KIF9: variants seen among roughly 807,000 people sequenced by gnomAD.
The protein encoded by KIF9 is kinesin family member 9.
Under a neutral mutation model 94.8 loss-of-function variants are expected in KIF9, and 68 were observed. The ratio of observed to expected loss-of-function variants is 0.72; its 90% CI spans 0.59 to 0.88. KIF9 has a LOEUF of 0.88. Ranked by LOEUF, KIF9 falls within the 40% of genes least tolerant of loss-of-function variation. The pLI is 0.00. For missense variants in KIF9, 882 were observed against 982.5 expected (o/e 0.90, Z 1.37); for synonymous variants, 343 against 362.1 (o/e 0.95, Z 0.60).
intron 17 of KIF9, among the ~76,000 whole-genome samples, chr3:47,238,191 G>A (rs1414177229): frequency 1.3e-5 from 2 of 152,054 alleles, no homozygotes; most frequent in Admixed American, 1.3e-4. Flanking sequence ...GTCAACAAGT[G>A]GCTGTCAATA....
Position 47,271,279 on chromosome 3 carries a change from G to A in KIF9, c.549C>T (p.His183=). The A allele has an allele frequency of 6.2e-7, 1 of 1,614,074 alleles. No homozygotes were observed. The highest frequency in any genetic ancestry group is 8.5e-7 in the Non-Finnish European group (1 of 1,179,988). ...ATGCATCCTCCTCCTGACTTGTGAG[G>A]TGAACTGACAAGCCCTTAATGAAGA... ...QGVFIKGLSV[H]LTSQEEDAFS... Residue 183 remains histidine, a synonymous_variant, in exon 5 of 21, where the codon CAC becomes CAT. Transcript: ENST00000684063.
At chr3:47,232,261 A>G (rs1436487502) in intron 20 of KIF9, among the ~76,000 whole-genome samples, 1 of 152,096 alleles carries the variant, frequency 6.6e-6, no homozygotes, top group East Asian at 1.9e-4. Flanking sequence ...CAGAACTGTG[A>G]GCAATACATT....
Position 47,274,079 on chromosome 3 carries a change from C to T in KIF9, c.260-421G>A, listed in dbSNP as rs7647123. Among the ~76,000 whole-genome samples the T allele has an allele frequency of 7.2e-3, 1,091 of 152,302 alleles. 12 individuals are homozygous for T. Among genetic ancestry groups the T allele is most frequent in the African/African-American group, 0.025 (1,029 of 41,556 alleles). The stretch of plus-strand genomic sequence containing the variant: ...AGGGTTGGCAGGAGGCATCAACTTC[C>T]CCACAGAGGCAAAGAGGGGCTTTCA... On this transcript the variant is annotated intron_variant, in intron 3 of 20. Transcript: ENST00000684063.
rs1046158912 is a variant in KIF9, at chr3:47,241,021, G to A, written c.1710-6C>T. ...TGGAGGGTGGGGTGTCGGGCCTTGA[G>A]ATGAAAAGGTGAGACCAAAGAGGAT... is the stretch of plus-strand genomic sequence containing the variant. On this transcript the variant is annotated splice_region_variant and splice_polypyrimidine_tract_variant and intron_variant, in intron 16 of 20. Coordinates refer to ENST00000684063, the MANE Select transcript of KIF9 (RefSeq NM_182902.4). 2 of 1,613,632 alleles carry A rather than the reference G, an allele frequency of 1.2e-6. No homozygotes were observed. The highest frequency in any genetic ancestry group is 2.7e-5 in the African/African-American group (2 of 74,908).
rs1698955414 is a variant in KIF9 at position 47,235,531 on chromosome 3, T to TA, written c.2303_2304insT (p.Lys768AsnfsTer9). 2 of 1,613,652 alleles carry TA rather than the reference T, an allele frequency of 1.2e-6. No individual in the cohort carries two copies. Among genetic ancestry groups the TA allele is most frequent in the East Asian group, 4.5e-5 (2 of 44,878 alleles). ...GAGTTACCTTCTGCTCTATCTTGAC[T>TA]TTGGCATTGTAGAAGGAGATGGAAT... is the stretch of plus-strand genomic sequence containing the variant. On this transcript the variant is annotated frameshift_variant, in exon 20 of 21. Coordinates refer to ENST00000684063, the MANE Select transcript of KIF9 (RefSeq NM_182902.4). LOFTEE classifies it high-confidence loss of function.
intron 7 of KIF9, 66 bp from the exon 8 acceptor site, chr3:47,265,943 C>G (rs931950324): frequency 3.0e-5 from 46 of 1,557,558 alleles, no homozygotes; most frequent in African/African-American, 6.8e-5. Context: ...GAATAGCAGT[C>G]TTCCTGGTCT....
At chr3:47,246,827 C>G (rs1399045464) in intron 12 of KIF9, among the ~76,000 whole-genome samples, 1 of 152,190 alleles carries the variant, frequency 6.6e-6, no homozygotes, top group Non-Finnish European at 1.5e-5. Context: ...CCCACAGTAA[C>G]AGCCAGGGGG....
At position 47,243,092 on chromosome 3, in the gene KIF9, G is replaced by A. The variant is rs774868777; in HGVS notation, c.1668C>T (p.Pro556=). Residue 556 remains proline, a synonymous_variant, in exon 16 of 21, where the codon CCC becomes CCT. Coordinates refer to ENST00000684063, the MANE Select transcript of KIF9 (RefSeq NM_182902.4). ...CCTCCTTCGGGGAGTCTGAGGGAAG[G>A]GGCTCAATGCTGGAAGTTTCCCGGT... The part of the protein sequence containing the change: ...SRDRETSSIE[P]LPSDSPKEEL... 6.2e-7 allele frequency: 1 copy of A among 1,613,264 alleles called. No homozygotes were observed. Among genetic ancestry groups the A allele is most frequent in the Non-Finnish European group, 8.5e-7 (1 of 1,179,302 alleles).
intron 10 of KIF9, chr3:47,250,475 G>C: frequency 2.8e-6 from 1 of 355,788 alleles, no homozygotes; most frequent in East Asian, 6.9e-5. Flanking sequence ...CACATAGTAA[G>C]CACTCCATAG....
intron 5 of KIF9, among the ~76,000 whole-genome samples, chr3:47,267,864 G>A (rs1185984632): frequency 7.0e-6 from 1 of 142,156 alleles, no homozygotes; most frequent in African/African-American, 2.6e-5. Flanking sequence ...TATTTATTTT[G>A]TGTTCTCCTT....
At chr3:47,256,798 A>T (rs1244863864) in intron 10 of KIF9, among the ~76,000 whole-genome samples, 1 of 152,208 alleles carries the variant, frequency 6.6e-6, no homozygotes, top group Admixed American at 6.5e-5. Context: ...TTCTGTGCTA[A>T]GAAAAGTTCT....
Position 47,240,776 on chromosome 3 carries a change from C to T in KIF9, c.1924+25G>A, listed in dbSNP as rs768003303. The stretch of plus-strand genomic sequence containing the variant: ...CATGACTCTGAGACCCCAAAGCTCC[C>T]TAGCCCTCTTTCCAACACATTTACC... On this transcript the variant is annotated intron_variant, in intron 17 of 20. Coordinates refer to ENST00000684063, the MANE Select transcript of KIF9 (RefSeq NM_182902.4). 3 of 1,599,164 alleles carry T rather than the reference C, an allele frequency of 1.9e-6. No homozygotes were observed. The East Asian group carries it at 6.7e-5, about 36-fold the overall frequency.
At chr3:47,271,494 G>A (rs756322036) in intron 4 of KIF9, 33 bp from the exon 5 acceptor site, 1 of 1,554,526 alleles carries the variant, frequency 6.4e-7, no homozygotes, top group Non-Finnish European at 8.9e-7. Flanking sequence ...GTCACCAAGA[G>A]CAGAACCCCA....
intron 8 of KIF9, among the ~76,000 whole-genome samples, 187 bp downstream of exon 8, chr3:47,265,543 T>C (rs1559457666): frequency 6.6e-6 from 1 of 152,164 alleles, no homozygotes; most frequent in East Asian, 1.9e-4. Context: ...GTGAATAGCA[T>C]AGTGTGTTCT....
chr3:47,272,404 T>G (rs1357183891), intron 4 of KIF9, among the ~76,000 whole-genome samples: 1 of 152,246 alleles, frequency 6.6e-6, no homozygotes, highest in Non-Finnish European at 1.5e-5. Context: ...ATTTAAAAAC[T>G]GATGCAATTC....
intron 17 of KIF9, chr3:47,239,710 C>T (rs770303424): frequency 3.1e-4 from 376 of 1,207,610 alleles, no homozygotes; most frequent in Non-Finnish European, 3.9e-4. Context: ...GCCTCAGCCT[C>T]CCAAGATGCT....
At chr3:47,233,623 G>A (rs1228672893) in intron 20 of KIF9, among the ~76,000 whole-genome samples, 1 of 151,700 alleles carries the variant, frequency 6.6e-6, no homozygotes, top group Admixed American at 6.6e-5. Flanking sequence ...TTCAATCTGT[G>A]AGGTCGAGGC....
intron 13 of KIF9, chr3:47,245,771 A>G: frequency 3.7e-6 from 2 of 533,414 alleles, no homozygotes; most frequent in South Asian, 4.6e-5. Flanking sequence ...CTTGATAAGG[A>G]CCGTAAGCTT....
intron 16 of KIF9, among the ~76,000 whole-genome samples, chr3:47,241,867 T>A (rs35540623): frequency 2.5e-5 from 1 of 39,846 alleles, no homozygotes; most frequent in Non-Finnish European, 5.1e-5. Context: ...TATATACACA[T>A]ATATATATAT....
Sources: gnomAD v4.1 joint callset for allele counts (sites outside exome capture counted in the v4.1 genomes callset) on GRCh38, gnomAD v4.1.1 for gene constraint, MANE v1.5 for transcripts, NCBI Gene and HGNC (gene_info 2026-07-23, HGNC 2026-07-21) for gene names.